The following PIK3CA variants were observed in gnomAD, a reference collection of about 807,000 sequenced individuals.
PIK3CA encodes phosphatidylinositol 4,5-bisphosphate 3-kinase catalytic subunit alpha isoform.
Under a neutral mutation model 138.2 loss-of-function variants are expected in PIK3CA, and 27 were observed. The ratio of observed to expected loss-of-function variants is 0.20; its 90% CI spans 0.14 to 0.27. The LOEUF (loss-of-function observed/expected upper bound fraction) is 0.27. Ranked by LOEUF, PIK3CA falls within the 10% of genes least tolerant of loss-of-function variation. The pLI is 1.00. For synonymous variants in PIK3CA, 358 were observed against 413.2 expected, an observed-to-expected ratio of 0.87 and a Z score of 1.62; for missense variants, 544 against 1,277.4, an observed-to-expected ratio of 0.43 and a Z score of 8.75.
At chr3:179,217,616 C>T in intron 9 of PIK3CA, among the ~76,000 whole-genome samples, 2 of 151,992 alleles carry the variant, frequency 1.3e-5, no homozygotes, top group South Asian at 4.2e-4. Flanking sequence ...GTTAATATAT[C>T]TATATTTGCA....
chr3:179,213,019 A>G (rs1724754693), intron 9 of PIK3CA, among the ~76,000 whole-genome samples: 1 of 152,146 alleles, frequency 6.6e-6, no homozygotes, highest in African/African-American at 2.4e-5. Flanking sequence ...CCTATCCCCT[A>G]TATTGTCCAA....
At chr3:179,218,595 G>T (rs1724896018) in intron 10 of PIK3CA, among the ~76,000 whole-genome samples, 1 of 151,962 alleles carries the variant, frequency 6.6e-6, no homozygotes, top group African/African-American at 2.4e-5. Context: ...CTTTAGGATT[G>T]TTTAAAATAT....
Position 179,234,295 on chromosome 3 carries a change from A to C in PIK3CA, c.3138A>C (p.Ala1046=), listed in dbSNP as rs1215652300. 2 of 1,613,510 alleles carry C rather than the reference A, an allele frequency of 1.2e-6. No homozygotes were observed. The highest frequency in any genetic ancestry group is 1.7e-6 in the Non-Finnish European group (2 of 1,179,576). The change falls in exon 21 of 21, where the codon GCA becomes GCC. Residue 1046 remains alanine, a synonymous_variant. Coordinates refer to ENST00000263967, the MANE Select transcript of PIK3CA (RefSeq NM_006218.4). This position sits in a 1 kb window ranked among gnomAD's most constrained non-coding sequence, Gnocchi z 5.1. Reference sequence around the variant, plus strand: ...ATTTCATGAAACAAATGAATGATGCACATCATGGTGGCTGGACAACAAAAA... The same window carrying C: ...ATTTCATGAAACAAATGAATGATGCCCATCATGGTGGCTGGACAACAAAAA... The part of the protein sequence containing the change: ...LEYFMKQMND[A]HHGGWTTKMD...
intron 1 of PIK3CA, among the ~76,000 whole-genome samples, chr3:179,188,640 CTG>C (rs1011435909): frequency 3.9e-5 from 6 of 152,072 alleles, no homozygotes; most frequent in Non-Finnish European, 7.4e-5. Context: ...TTATGTGAAA[CTG>C]TGATAATCTG....
In PIK3CA at chr3:179,214,630, C is replaced by A. The variant is rs555299946; in HGVS notation, c.1540-3580C>A. Among the ~76,000 whole-genome samples, 4 of 152,090 alleles carry A rather than the reference C, an allele frequency of 2.6e-5. No homozygotes were observed. The East Asian group carries it at 7.7e-4, about 29-fold the overall frequency. The stretch of plus-strand genomic sequence containing the variant: ...ATGTGACACAGAGACAAAAAATGAG[C>A]CATGCATTTGGAAAAATAGTGCCAG... On this transcript the variant is annotated intron_variant, in intron 9 of 20. Coordinates refer to ENST00000263967, the MANE Select transcript of PIK3CA (RefSeq NM_006218.4).
At chr3:179,183,357 T>C (rs539968613) in intron 1 of PIK3CA, among the ~76,000 whole-genome samples, 99 of 152,324 alleles carry the variant, frequency 6.5e-4, no homozygotes, top group African/African-American at 1.9e-3. Flanking sequence ...TCCAATGTCG[T>C]AACATCCCAG....
chr3:179,173,685 C>A (rs1036990639), intron 1 of PIK3CA, among the ~76,000 whole-genome samples: 1 of 152,090 alleles, frequency 6.6e-6, no homozygotes, highest in African/African-American at 2.4e-5. Flanking sequence ...GGTGTATTGA[C>A]AACAAAGGAA....
At chr3:179,205,283 C>A (rs1275813684) in intron 6 of PIK3CA, among the ~76,000 whole-genome samples, 4 of 151,980 alleles carry the variant, frequency 2.6e-5, no homozygotes, top group African/African-American at 9.7e-5. Context: ...ACATATAGAC[C>A]AGCAAGACTT....
chr3:179,235,549 G>A lies in PIK3CA; in HGVS notation c.*1185G>A, dbSNP rs368370927. ...CTTTTATTTCTTATGTGAATCTCCC[G>A]TCTTCCATTCTCTTTTATAATTGAG... On this transcript the variant is annotated 3_prime_UTR_variant, in exon 21 of 21. Coordinates refer to ENST00000263967, the MANE Select transcript of PIK3CA (RefSeq NM_006218.4). 5.0e-5 allele frequency: 10 copies of A among 198,326 alleles called. No homozygotes were observed. Among genetic ancestry groups the A allele is most frequent in the East Asian group, 1.6e-4 (2 of 12,824 alleles). 12.3% of individuals were successfully genotyped at this position (198,326 alleles called of 1,614,324 possible).
In PIK3CA at chr3:179,237,035, A is replaced by AG; in HGVS notation, c.*2672dup. 5.1e-6 allele frequency: 1 copy of AG among 194,658 alleles called. No individual in the cohort carries two copies. The highest frequency in any genetic ancestry group is 1.1e-5 in the Non-Finnish European group (1 of 93,516). 12.1% of individuals were successfully genotyped at this position (194,658 alleles called of 1,614,324 possible). On this transcript the variant is annotated 3_prime_UTR_variant, in exon 21 of 21. Transcript: ENST00000263967. ...AATATTTCCTTGAATAATTATTTTG[A>AG]GAAAAAGTCTAAAAGTAATAAAAAT...
At chr3:179,176,612 T>C (rs1237274908) in intron 1 of PIK3CA, among the ~76,000 whole-genome samples, 1 of 152,212 alleles carries the variant, frequency 6.6e-6, no homozygotes, top group Non-Finnish European at 1.5e-5. Flanking sequence ...CTTTGCTACA[T>C]CTTGGAGATC....
chr3:179,177,702 T>C (rs1262716546), intron 1 of PIK3CA, among the ~76,000 whole-genome samples: 6 of 152,192 alleles, frequency 3.9e-5, no homozygotes, highest in Admixed American at 2.6e-4. Context: ...AGATCACTTA[T>C]CTAGAAATAA....
In PIK3CA at chr3:179,237,090, CTG is replaced by C. The variant is rs1445834636; in HGVS notation, c.*2728_*2729del. ...TTAAACACACTGTAGTAAGAAATGA[CTG>C]TTGGAAAATTATGCTTTCACTTTCT... On this transcript the variant is annotated 3_prime_UTR_variant, in exon 21 of 21. Transcript: ENST00000263967. 5.1e-6 allele frequency: 1 copy of C among 196,230 alleles called. No homozygotes were observed. 12.2% of individuals were successfully genotyped at this position (196,230 alleles called of 1,614,324 possible).
chr3:179,227,747 A>G (rs1207078469), intron 17 of PIK3CA, among the ~76,000 whole-genome samples: 2 of 152,134 alleles, frequency 1.3e-5, no homozygotes, highest in Non-Finnish European at 2.9e-5. Flanking sequence ...AGAGCAAGGA[A>G]AACCAAACTT....
chr3:179,210,625 C>G (rs1724687186), intron 9 of PIK3CA, 60 bp downstream of exon 9: 2 of 1,512,598 alleles, frequency 1.3e-6, no homozygotes, highest in African/African-American at 1.4e-5. Flanking sequence ...TAGGTAGATA[C>G]TTTCTCTATG....
At chr3:179,213,527 C>T (rs1724768931) in intron 9 of PIK3CA, among the ~76,000 whole-genome samples, 2 of 152,322 alleles carry the variant, frequency 1.3e-5, no homozygotes, top group South Asian at 4.1e-4. Flanking sequence ...GTAACGTTAG[C>T]GTGGCTACAG....
chr3:179,229,132 A>G, intron 17 of PIK3CA, 140 bp from the exon 18 acceptor site: 1 of 597,822 alleles, frequency 1.7e-6, no homozygotes, highest in Middle Eastern at 4.2e-4. Context: ...CACCATAAAA[A>G]AGAAAATTAA....
intron 1 of PIK3CA, among the ~76,000 whole-genome samples, chr3:179,182,078 A>G (rs78217546): frequency 0.046 from 7,040 of 152,186 alleles, 224 homozygotes; most frequent in Middle Eastern, 0.13. Flanking sequence ...CTCCCTAGTG[A>G]CGGCTTAAAG....
intron 1 of PIK3CA, among the ~76,000 whole-genome samples, chr3:179,158,333 A>G (rs1207338827): frequency 3.3e-5 from 5 of 152,172 alleles, no homozygotes; most frequent in Non-Finnish European, 1.5e-5. Flanking sequence ...AGAAGGTATT[A>G]AGTAAGTGAA....
Sources: gnomAD v4.1 joint callset for allele counts (sites outside exome capture counted in the v4.1 genomes callset) on GRCh38, gnomAD v4.1.1 for gene constraint, Gnocchi (gnomAD v3.1) non-coding constraint, MANE v1.5 for transcripts, NCBI Gene and HGNC (gene_info 2026-07-23, HGNC 2026-07-21) for gene names.